The following DHRS4 variants were observed in gnomAD, a reference collection of about 807,000 sequenced individuals.
DHRS4 encodes dehydrogenase/reductase SDR family member 4.
A neutral mutation model predicts 28.4 loss-of-function variants in DHRS4; 20 were observed. That is an observed-to-expected ratio of 0.71 (90% CI 0.50 to 1.02). The LOEUF is 1.02. Ranked by LOEUF, DHRS4 falls within the 50% of genes least tolerant of loss-of-function variation. The probability of loss-of-function intolerance (pLI) is 0.00; values close to 1 mark genes in which losing one functional copy is unlikely to be tolerated. For missense variants in DHRS4, 378 were observed against 367.2 expected (o/e 1.03, Z -0.24); for synonymous variants, 144 against 146.4 (o/e 0.98, Z 0.12).
chr14:23,965,836 C>T lies in DHRS4; in HGVS notation c.479+4C>T, dbSNP rs1594434278. On this transcript the variant is annotated splice_donor_region_variant and intron_variant, in intron 4 of 7. Transcript: ENST00000313250. ...TGCCAGAAATGGAGAAACGAGGGTA[C>T]AGAGAGTGAGAGAGAGCCTGGGTGA... 1 of 1,606,848 alleles carries T rather than the reference C, an allele frequency of 6.2e-7. No homozygotes were observed. Among genetic ancestry groups the T allele is most frequent in the Non-Finnish European group, 8.5e-7 (1 of 1,176,206 alleles).
At chr14:23,959,050 A>C (rs2033292341) in intron 2 of DHRS4, among the ~76,000 whole-genome samples, 1 of 152,156 alleles carries the variant, frequency 6.6e-6, no homozygotes, top group Non-Finnish European at 1.5e-5. Flanking sequence ...GGACAGATTG[A>C]CTTTGAGATA....
intron 6 of DHRS4, among the ~76,000 whole-genome samples, chr14:23,966,894 G>A (rs1429727893): frequency 1.3e-5 from 2 of 152,268 alleles, no homozygotes; most frequent in African/African-American, 2.4e-5. Context: ...GGTGGCTCAT[G>A]CCTGTAATCC....
intron 7 of DHRS4, 103 bp from the exon 8 acceptor site, chr14:23,968,654 A>G (rs113972887): frequency 1.3e-6 from 2 of 1,544,188 alleles, no homozygotes; most frequent in Non-Finnish European, 1.8e-6. Flanking sequence ...TGAAAAAGCC[A>G]TCTGATAATT....
chr14:23,955,850 A>G (rs1281828111), intron 2 of DHRS4, among the ~76,000 whole-genome samples: 2 of 152,192 alleles, frequency 1.3e-5, no homozygotes, highest in African/African-American at 4.8e-5. Context: ...TCGATGTCAG[A>G]ATTAGTAGTG....
At chr14:23,960,802 G>A (rs929650228) in intron 3 of DHRS4, among the ~76,000 whole-genome samples, 2 of 152,060 alleles carry the variant, frequency 1.3e-5, no homozygotes, top group Non-Finnish European at 2.9e-5. Flanking sequence ...TATCTGAGCT[G>A]GGCAATTTAT....
At chr14:23,966,807 T>G in intron 6 of DHRS4, among the ~76,000 whole-genome samples, 1 of 152,286 alleles carries the variant, frequency 6.6e-6, no homozygotes, top group Non-Finnish European at 1.5e-5. Flanking sequence ...TCCTCTCAGT[T>G]ACCATGAGGA....
intron 3 of DHRS4, 125 bp downstream of exon 3, chr14:23,960,128 C>A: frequency 1.1e-6 from 1 of 912,218 alleles, no homozygotes; most frequent in Non-Finnish European, 1.8e-6. Context: ...TTGCCACGTG[C>A]CACACACCTG....
Position 23,955,083 on chromosome 14 carries a change from G to T in DHRS4, c.177G>T (p.Val59=). ...ARRLAQDGAH[V]VVSSRKQQNV... The stretch of plus-strand genomic sequence containing the variant: ...GTTTGGCCCAGGACGGGGCCCATGT[G>T]GTCGTCAGCAGCCGGAAGCAGCAGA... The change falls in exon 2 of 8, where the codon GTG becomes GTT. Residue 59 remains valine, a synonymous_variant. Transcript: ENST00000313250. 6.2e-7 allele frequency: 1 copy of T among 1,614,212 alleles called. No homozygotes were observed.
At position 23,953,779 on chromosome 14, in the gene DHRS4, G is replaced by A; in HGVS notation, c.-10G>A. ...GGGAAGAGTGGAACCCATACTTGCT[G>A]GTCTGATCCATGCACAAGGCGGGGC... On this transcript the variant is annotated 5_prime_UTR_variant, in exon 1 of 8. Coordinates refer to ENST00000313250, the MANE Select transcript of DHRS4 (RefSeq NM_021004.4). 3 of 1,613,962 alleles carry A rather than the reference G, an allele frequency of 1.9e-6. No homozygotes were observed. The highest frequency in any genetic ancestry group is 2.5e-6 in the Non-Finnish European group (3 of 1,179,938).
chr14:23,967,208 C>T lies in DHRS4; in HGVS notation c.667-3C>T, dbSNP rs745441142. 2.4e-5 allele frequency: 39 copies of T among 1,610,642 alleles called. 1 individual carries two copies. Among genetic ancestry groups the T allele is most frequent in the Admixed American group, 2.0e-4 (12 of 59,212 alleles). ...CATAAAGAGATTTCCCTTCTTCCTG[C>T]AGCTCTGGATGGACAAGGAAAAAGA... On this transcript the variant is annotated splice_region_variant and splice_polypyrimidine_tract_variant and intron_variant, in intron 6 of 7. Transcript: ENST00000313250.
intron 1 of DHRS4, 41 bp from the exon 2 acceptor site, chr14:23,954,994 C>T (rs2033046927): frequency 1.2e-6 from 2 of 1,609,638 alleles, no homozygotes; most frequent in Non-Finnish European, 1.7e-6. Flanking sequence ...ACCTCTTCCC[C>T]TGCACAGGCC....
At chr14:23,961,515 CTCTG>C (rs2033412246) in intron 3 of DHRS4, among the ~76,000 whole-genome samples, 2 of 114,522 alleles carry the variant, frequency 1.7e-5, no homozygotes, top group East Asian at 3.1e-4. Flanking sequence ...CAGACTCTTG[CTCTG>C]TCTTTTTTCC....
At chr14:23,960,459 C>A (rs1273644812) in intron 3 of DHRS4, among the ~76,000 whole-genome samples, 1 of 151,856 alleles carries the variant, frequency 6.6e-6, no homozygotes, top group African/African-American at 2.4e-5. Context: ...GTGAAATGAC[C>A]AGTTGCCACT....
chr14:23,966,340 G>T lies in DHRS4; in HGVS notation c.589G>T (p.Ala197Ser). Residue 197 changes from alanine (A) to serine (S), a missense_variant, in exon 6 of 8, where the codon GCC becomes TCC. Physicochemically the swap from Ala to Ser is moderately conservative, Grantham distance 99. Transcript: ENST00000313250. ...CTTGCTGGGCCTGACCAAGACCCTGGCCATAGAGCTGGCCCCAAGGAACAT... is the reference window on the plus strand; with the variant it reads ...CTTGCTGGGCCTGACCAAGACCCTGTCCATAGAGCTGGCCCCAAGGAACAT... Reference protein sequence around the residue: ...TALLGLTKTLAIELAPRNIRV... With the variant: ...TALLGLTKTLSIELAPRNIRV... 1 of 1,614,044 alleles carries T rather than the reference G, an allele frequency of 6.2e-7. No individual in the cohort carries two copies. The highest frequency in any genetic ancestry group is 8.5e-7 in the Non-Finnish European group (1 of 1,180,022).
At chr14:23,956,940 G>A (rs2033201098) in intron 2 of DHRS4, among the ~76,000 whole-genome samples, 1 of 152,160 alleles carries the variant, frequency 6.6e-6, no homozygotes, top group South Asian at 2.1e-4. Context: ...ACCTTAAAAG[G>A]ATATGGCCTC....
intron 3 of DHRS4, among the ~76,000 whole-genome samples, chr14:23,961,338 C>T (rs28687936): frequency 0.29 from 40,911 of 142,952 alleles, 5,530 homozygotes; most frequent in East Asian, 0.4. Flanking sequence ...CACAGCGAGA[C>T]CTTTTCTCTA....
chr14:23,956,192 A>G (rs929690295), intron 2 of DHRS4, among the ~76,000 whole-genome samples: 2 of 152,218 alleles, frequency 1.3e-5, no homozygotes. Context: ...GAGTCCAAAA[A>G]AGCTTGGCTT....
chr14:23,967,251 C>T lies in DHRS4; in HGVS notation c.707C>T (p.Thr236Ile), dbSNP rs1174443716. The T allele has an allele frequency of 6.2e-7, 1 of 1,612,728 alleles. No homozygotes were observed. The highest frequency in any genetic ancestry group is 8.5e-7 in the Non-Finnish European group (1 of 1,179,516). Reference sequence around the variant, plus strand: ...GAAAAAGAGGAAAGCATGAAAGAAACCCTGCGGATAAGAAGGTAAACTGTC... The same window carrying T: ...GAAAAAGAGGAAAGCATGAAAGAAATCCTGCGGATAAGAAGGTAAACTGTC... ...DKEKEESMKE[T>I]LRIRRLGEPE... Residue 236 changes from threonine (T) to isoleucine (I), a missense_variant, in exon 7 of 8, where the codon ACC (threonine) becomes ATC (isoleucine). Physicochemically the swap from Thr to Ile is moderately conservative, Grantham distance 89 (BLOSUM62 -1). Transcript: ENST00000313250.
In DHRS4 at chr14:23,959,985, T is replaced by C. The variant is rs79275197; in HGVS notation, c.390T>C (p.Thr130=). The change falls in exon 3 of 8, where the codon ACT becomes ACC. Residue 130 remains threonine, a synonymous_variant. Coordinates refer to ENST00000313250, the MANE Select transcript of DHRS4 (RefSeq NM_021004.4). ...TCTTTGGAAGCATAATGGATGTCACTGAGGAGGTGTGGGACAAGGTGAGAG... is the reference window on the plus strand; with the variant it reads ...TCTTTGGAAGCATAATGGATGTCACCGAGGAGGTGTGGGACAAGGTGAGAG... ...NPFFGSIMDV[T]EEVWDKTLDI... 0.042 allele frequency: 66,663 copies of C among 1,595,660 alleles called. 11,243 individuals carry two copies. In the African/African-American group the frequency reaches 0.54, roughly 13 times the overall value.
Sources: allele counts gnomAD v4.1 joint callset (sites outside exome capture counted in the v4.1 genomes callset), GRCh38; gene constraint gnomAD v4.1.1; transcripts MANE v1.5; gene names NCBI Gene and HGNC (gene_info 2026-07-23, HGNC 2026-07-21).